The following FAM81A variants were observed in gnomAD, a reference collection of about 807,000 sequenced individuals.
FAM81A encodes family with sequence similarity 81 member A.
In FAM81A, 19 loss-of-function variants were observed where a neutral mutation model predicts 46.7. The observed-to-expected ratio is 0.41, with a 90% CI of 0.28 to 0.60. The LOEUF is 0.60. Ranked by LOEUF, FAM81A falls within the 20% of genes least tolerant of loss-of-function variation. The pLI is 0.34. For synonymous variants in FAM81A, 183 were observed against 152.9 expected, an observed-to-expected ratio of 1.20 and a Z score of -1.45; for missense variants, 377 against 453.5, an observed-to-expected ratio of 0.83 and a Z score of 1.53.
intron 1 of FAM81A, among the ~76,000 whole-genome samples, chr15:59,439,604 C>T (rs1248021361): frequency 1.3e-5 from 2 of 152,146 alleles, no homozygotes; most frequent in African/African-American, 2.4e-5. Context: ...GATTTTCATT[C>T]GAATCTGATT....
At chr15:59,482,945 T>C (rs539252904) in intron 3 of FAM81A, among the ~76,000 whole-genome samples, 7 of 152,298 alleles carry the variant, frequency 4.6e-5, no homozygotes, top group African/African-American at 1.4e-4. Context: ...TGATTGTAAC[T>C]AGTTTGTGTT....
chr15:59,509,439 T>C (rs1363938237), intron 6 of FAM81A, among the ~76,000 whole-genome samples: 1 of 152,246 alleles, frequency 6.6e-6, no homozygotes, highest in Non-Finnish European at 1.5e-5. Flanking sequence ...TATTACCTTA[T>C]ATGGCAAAAG....
intron 1 of FAM81A, among the ~76,000 whole-genome samples, chr15:59,447,391 C>T (rs1236342935): frequency 1.3e-5 from 2 of 152,222 alleles, no homozygotes; most frequent in Admixed American, 6.5e-5. Context: ...ATGCCATGTG[C>T]GTTCCTCAAT....
In FAM81A at chr15:59,460,444, G is replaced by C. The variant is rs2081538344; in HGVS notation, c.294+238G>C. On this transcript the variant is annotated intron_variant, in intron 3 of 8. Transcript: ENST00000288228. The surrounding 1 kb of genome is among the most constrained non-coding windows in gnomAD (Gnocchi z 4.4). The stretch of plus-strand genomic sequence containing the variant: ...GTTATGTTTAATCTAAATTTACCTT[G>C]CTGATTATTAAATGATTTTATTTTG... The C allele has an allele frequency of 1.7e-6, 1 of 603,720 alleles. No individual in the cohort carries two copies. The highest frequency in any genetic ancestry group is 1.8e-5 in the African/African-American group (1 of 54,228). The allele number at this position is 603,720 out of a possible 1,614,324, so 37.4% of individuals were successfully genotyped here.
chr15:59,499,810 AT>A (rs534101746), intron 4 of FAM81A, among the ~76,000 whole-genome samples: 1,758 of 148,606 alleles, frequency 0.012, 36 homozygotes, highest in African/African-American at 0.041. Flanking sequence ...TATGTGAGGA[AT>A]TTTTTTTTCT....
chr15:59,407,321 G>C (rs1317190832), intron 2 of FAM81A: 3 of 127,560 alleles, frequency 2.4e-5, no homozygotes, highest in Admixed American at 9.2e-5. Flanking sequence ...TTGAGACAGA[G>C]TCTCGCTCTG....
At chr15:59,509,614 G>A (rs376131590) in intron 6 of FAM81A, among the ~76,000 whole-genome samples, 5 of 152,250 alleles carry the variant, frequency 3.3e-5, no homozygotes, top group East Asian at 1.9e-4. Flanking sequence ...CTTTGAGGAC[G>A]GGGCAAAGAA....
chr15:59,410,744 C>T (rs143345571), intron 2 of FAM81A, among the ~76,000 whole-genome samples: 1 of 152,332 alleles, frequency 6.6e-6, no homozygotes, highest in Non-Finnish European at 1.5e-5. Flanking sequence ...TGTTTCTTTA[C>T]TTTTCTTTGA....
intron 3 of FAM81A, among the ~76,000 whole-genome samples, chr15:59,486,771 A>T (rs1189411640): frequency 6.6e-6 from 1 of 152,228 alleles, no homozygotes; most frequent in Non-Finnish European, 1.5e-5. Flanking sequence ...AAAACCTACC[A>T]TAGTGTATCT....
upstream of FAM81A, among the ~76,000 whole-genome samples, chr15:59,435,087 G>A (rs2081237379): frequency 6.6e-6 from 1 of 152,170 alleles, no homozygotes; most frequent in African/African-American, 2.4e-5. Flanking sequence ...AAGAGATGGA[G>A]GCCATCCTGG....
At chr15:59,430,621 A>T (rs2081215908) in intron 2 of FAM81A, among the ~76,000 whole-genome samples, 1 of 152,128 alleles carries the variant, frequency 6.6e-6, no homozygotes, top group Admixed American at 6.5e-5. Context: ...GGCAGGAAGG[A>T]TTCAGATAAA....
At position 59,487,732 on chromosome 15, in the gene FAM81A, G is replaced by C. The variant is rs552106506; in HGVS notation, c.295-4539G>C. ...AGAAATCCAAAACCTGAACAAACCAGTAACAAGTAACGAGATTGAAGCCAT... is the reference window on the plus strand; with the variant it reads ...AGAAATCCAAAACCTGAACAAACCACTAACAAGTAACGAGATTGAAGCCAT... On this transcript the variant is annotated intron_variant, in intron 3 of 8. Transcript: ENST00000288228. Among the ~76,000 whole-genome samples, 8 of 152,098 alleles carry C rather than the reference G, an allele frequency of 5.3e-5. No individual in the cohort carries two copies. In the South Asian group the frequency reaches 1.7e-3, roughly 32 times the overall value.
At chr15:59,476,348 G>A (rs1406194740) in intron 3 of FAM81A, among the ~76,000 whole-genome samples, 5 of 151,788 alleles carry the variant, frequency 3.3e-5, no homozygotes, top group South Asian at 4.2e-4. Flanking sequence ...TTGGTCTTCC[G>A]AAGTGCTGGG....
At chr15:59,447,236 A>T (rs1220329439) in intron 1 of FAM81A, among the ~76,000 whole-genome samples, 1 of 152,224 alleles carries the variant, frequency 6.6e-6, no homozygotes, top group Non-Finnish European at 1.5e-5. Context: ...TGTACAGTTG[A>T]AAAAATGTCA....
At chr15:59,429,380 T>C (rs567378043) in intron 2 of FAM81A, among the ~76,000 whole-genome samples, 6 of 152,358 alleles carry the variant, frequency 3.9e-5, no homozygotes, top group African/African-American at 1.4e-4. Context: ...TGTGCAACTT[T>C]AGGAGTTTTA....
chr15:59,405,864 A>G (rs2140466845), intron 2 of FAM81A, among the ~76,000 whole-genome samples: 1 of 152,276 alleles, frequency 6.6e-6, no homozygotes. Flanking sequence ...TCAGGGACCC[A>G]TGTTGCACAT....
At chr15:59,497,503 A>G (rs2082046837) in intron 4 of FAM81A, among the ~76,000 whole-genome samples, 1 of 152,150 alleles carries the variant, frequency 6.6e-6, no homozygotes, top group South Asian at 2.1e-4. Context: ...CAGTTGGAAT[A>G]TTGATAGGGA....
intron 3 of FAM81A, among the ~76,000 whole-genome samples, chr15:59,473,256 G>A (rs548533921): frequency 2.0e-4 from 31 of 152,260 alleles, no homozygotes; most frequent in Non-Finnish European, 4.3e-4. Flanking sequence ...CCATAAATAA[G>A]CAATTGATAA....
chr15:59,514,252 A>C, intron 6 of FAM81A, 37 bp from the exon 7 acceptor site: 1 of 1,513,348 alleles, frequency 6.6e-7, no homozygotes, highest in Non-Finnish European at 8.8e-7. Context: ...TAAAAAATAA[A>C]CTGTTTTACA....
Sources: gnomAD v4.1 joint callset for allele counts (sites outside exome capture counted in the v4.1 genomes callset) on GRCh38, gnomAD v4.1.1 for gene constraint, Gnocchi (gnomAD v3.1) non-coding constraint, MANE v1.5 for transcripts, NCBI Gene and HGNC (gene_info 2026-07-23, HGNC 2026-07-21) for gene names.